VPS50: variants seen among roughly 807,000 people sequenced by gnomAD.
VPS50 encodes VPS50 subunit of EARP/GARPII complex, also known as syndetin.
In VPS50, 70 loss-of-function variants were observed where a neutral mutation model predicts 139.7. The observed-to-expected ratio is 0.50, with a 90% CI of 0.41 to 0.61. The LOEUF (loss-of-function observed/expected upper bound fraction) is 0.61. Among genes scored for constraint, VPS50 ranks in the 20% least tolerant of loss-of-function variants. VPS50 has a pLI of 0.00. For missense variants in VPS50, 921 were observed against 1,133.7 expected (o/e 0.81, Z 2.69); for synonymous variants, 365 against 376.7 (o/e 0.97, Z 0.36).
chr7:93,253,665 T>G (rs189268895), intron 3 of VPS50, among the ~76,000 whole-genome samples, 195 bp from the exon 4 acceptor site: 2 of 152,174 alleles, frequency 1.3e-5, no homozygotes, highest in Admixed American at 6.5e-5. Context: ...CAGAGGGCTG[T>G]GTACTAAAGA....
chr7:93,271,190 G>GA (rs759306553), intron 9 of VPS50, 30 bp from the exon 10 acceptor site: 19 of 1,533,954 alleles, frequency 1.2e-5, no homozygotes, highest in African/African-American at 8.7e-5. Flanking sequence ...CTCAGAAATA[G>GA]AAAAAAACTG....
rs1305766443 is a variant in VPS50 at position 93,349,899 on chromosome 7, C to T, written c.2329C>T (p.Arg777Trp). ...GACAGTCTCAACCGCCAGTGAACTA[C>T]GGAAACCAATTTACTGGATTGTAGC... is the stretch of plus-strand genomic sequence containing the variant. The part of the protein sequence containing the change: ...SQTVSTASEL[R>W]KPIYWIVAGK... The change falls in exon 25 of 28, where the codon CGG becomes TGG. Residue 777 changes from arginine to tryptophan, a missense_variant. Arg to Trp is a moderately radical substitution (Grantham distance 101, BLOSUM62 -3). Transcript: ENST00000305866. The T allele has an allele frequency of 9.9e-6, 16 of 1,612,770 alleles. No homozygotes were observed. The highest frequency in any genetic ancestry group is 2.2e-5 in the East Asian group (1 of 44,846).
intron 14 of VPS50, among the ~76,000 whole-genome samples, chr7:93,296,224 A>G (rs1384389431): frequency 6.6e-6 from 1 of 152,120 alleles, no homozygotes; most frequent in Non-Finnish European, 1.5e-5. Context: ...GGTTTGACAT[A>G]TATTTTCTCA....
At chr7:93,276,628 T>G (rs1796163064) in intron 12 of VPS50, among the ~76,000 whole-genome samples, 1 of 152,206 alleles carries the variant, frequency 6.6e-6, no homozygotes, top group Non-Finnish European at 1.5e-5. Context: ...CAACCATCAT[T>G]GCTGGTTTTC....
rs116642973 is a variant in VPS50 at position 93,267,291 on chromosome 7, A to G, written c.660-3929A>G. Among the ~76,000 whole-genome samples, 472 of 152,256 alleles carry G rather than the reference A, an allele frequency of 3.1e-3. 4 individuals carry two copies. Among genetic ancestry groups the G allele is most frequent in the African/African-American group, 0.011 (437 of 41,544 alleles). ...TGGGTGAAATTTTGAACTCCATATGATAGAGGAACTGTCTTTAACTCTTAC... is the reference window on the plus strand; with the variant it reads ...TGGGTGAAATTTTGAACTCCATATGGTAGAGGAACTGTCTTTAACTCTTAC... On this transcript the variant is annotated intron_variant, in intron 9 of 27. Transcript: ENST00000305866.
intron 23 of VPS50, among the ~76,000 whole-genome samples, chr7:93,346,876 A>G (rs1219001536): frequency 1.4e-5 from 2 of 140,004 alleles, no homozygotes; most frequent in African/African-American, 5.5e-5. Flanking sequence ...AAAACCCTAG[A>G]AGAAAACCTA....
chr7:93,328,864 T>C (rs1247025059), intron 21 of VPS50, among the ~76,000 whole-genome samples: 1 of 151,928 alleles, frequency 6.6e-6, no homozygotes, highest in Non-Finnish European at 1.5e-5. Context: ...TCTCGGACTG[T>C]GAGATATGTG....
In VPS50 at chr7:93,252,677, C is replaced by T; in HGVS notation, c.127C>T (p.Gln43Ter). 6.2e-7 allele frequency: 1 copy of T among 1,600,894 alleles called. No homozygotes were observed. Residue 43 changes from glutamine to a stop codon, truncating the protein, a stop_gained, in exon 3 of 28, where the codon CAG (glutamine) becomes TAG (stop). Coordinates refer to ENST00000305866, the MANE Select transcript of VPS50 (RefSeq NM_017667.4). LOFTEE classifies it high-confidence loss of function. ...GGAAGAATTCAGGGAACTTCGAGAACAGCCAAGTGACCCTCAAGCTGAACA... is the reference window on the plus strand; with the variant it reads ...GGAAGAATTCAGGGAACTTCGAGAATAGCCAAGTGACCCTCAAGCTGAACA... ...GKEEFRELRE[Q>*]PSDPQAEQEL...
At chr7:93,336,248 C>T (rs1371370873) in intron 22 of VPS50, among the ~76,000 whole-genome samples, 1 of 152,060 alleles carries the variant, frequency 6.6e-6, no homozygotes, top group Non-Finnish European at 1.5e-5. Flanking sequence ...TATAGATATT[C>T]TAAGTTTTAC....
In VPS50 at chr7:93,305,970, A is replaced by G. The variant is rs1349686667; in HGVS notation, c.1595A>G (p.Asp532Gly). Residue 532 changes from aspartate (D) to glycine (G), a missense_variant, in exon 18 of 28, where the codon GAT (aspartate) becomes GGT (glycine). Coordinates refer to ENST00000305866, the MANE Select transcript of VPS50 (RefSeq NM_017667.4). ...NPFEIQANHK[D>G]EETEDVLASN... ...TTTGAAATTCAGGCCAACCACAAAG[A>G]TGAAGAAACAGAAGATGTCTTAGCT... 7.4e-6 allele frequency: 12 copies of G among 1,612,414 alleles called. No individual in the cohort carries two copies. Among genetic ancestry groups the G allele is most frequent in the Non-Finnish European group, 1.0e-5 (12 of 1,178,696 alleles).
intron 22 of VPS50, among the ~76,000 whole-genome samples, 154 bp downstream of exon 22, chr7:93,334,351 T>C (rs777898716): frequency 2.6e-5 from 4 of 152,198 alleles, no homozygotes; most frequent in Non-Finnish European, 5.9e-5. Flanking sequence ...AGGTTGCTTA[T>C]AGTCTGATCA....
intron 22 of VPS50, among the ~76,000 whole-genome samples, chr7:93,335,571 T>G (rs1798048168): frequency 6.6e-6 from 1 of 152,200 alleles, no homozygotes. Flanking sequence ...CCACCCTTTT[T>G]GTTTCTCTTT....
At chr7:93,312,989 C>T (rs1021461049) in intron 20 of VPS50, among the ~76,000 whole-genome samples, 15 of 152,204 alleles carry the variant, frequency 9.9e-5, no homozygotes, top group African/African-American at 3.1e-4. Flanking sequence ...TGCATCAAGA[C>T]GTTCAACCAC....
intron 11 of VPS50, among the ~76,000 whole-genome samples, chr7:93,273,732 A>G (rs1796076514): frequency 6.6e-6 from 1 of 152,194 alleles, no homozygotes; most frequent in East Asian, 1.9e-4. Flanking sequence ...ACTGGCATAC[A>G]TCTTTTTATT....
chr7:93,302,655 C>T (rs1236599668), intron 16 of VPS50, among the ~76,000 whole-genome samples: 2 of 151,670 alleles, frequency 1.3e-5, no homozygotes, highest in Non-Finnish European at 2.9e-5. Flanking sequence ...CTGATTTTTA[C>T]GGATTCATGT....
At chr7:93,240,247 ACACTCT>A (rs1357065006) in intron 2 of VPS50, among the ~76,000 whole-genome samples, 58 of 144,082 alleles carry the variant, frequency 4.0e-4, no homozygotes, top group Middle Eastern at 7.3e-3. Flanking sequence ...ACACACACAC[ACACTCT>A]CTCTCTCTCT....
At chr7:93,269,792 GA>G (rs1795951234) in intron 9 of VPS50, among the ~76,000 whole-genome samples, 3 of 152,108 alleles carry the variant, frequency 2.0e-5, no homozygotes, top group Admixed American at 2.0e-4. Flanking sequence ...AAACAAAAGT[GA>G]TTTTTTATAT....
Position 93,355,954 on chromosome 7 carries a change from G to A in VPS50, c.2649G>A (p.Gln883=). ...CCCTGATGCAATTGGATTTTCAACA[G>A]TTTTTAATGAAACTTGAAAAACTAA... is the stretch of plus-strand genomic sequence containing the variant. The part of the protein sequence containing the change: ...GRALMQLDFQ[Q]FLMKLEKLTD... The change falls in exon 27 of 28, where the codon CAG becomes CAA. Residue 883 remains glutamine (Q), a synonymous_variant. Transcript: ENST00000305866. The A allele has an allele frequency of 6.2e-7, 1 of 1,603,746 alleles. No individual in the cohort carries two copies. The highest frequency in any genetic ancestry group is 8.5e-7 in the Non-Finnish European group (1 of 1,172,176).
At chr7:93,326,453 TA>T (rs746975999) in intron 21 of VPS50, among the ~76,000 whole-genome samples, 6,562 of 127,366 alleles carry the variant, frequency 0.052, 182 homozygotes, top group African/African-American at 0.076. Flanking sequence ...ATAATAATAA[TA>T]AAAAAAAAAT....
Sources: allele counts gnomAD v4.1 joint callset (sites outside exome capture counted in the v4.1 genomes callset), GRCh38; gene constraint gnomAD v4.1.1; transcripts MANE v1.5; gene names NCBI Gene and HGNC (gene_info 2026-07-23, HGNC 2026-07-21).